The following TTLL11 variants were observed in gnomAD, a reference collection of about 807,000 sequenced individuals.
The protein encoded by TTLL11 is tubulin tyrosine ligase like 11.
A neutral mutation model predicts 51.7 loss-of-function variants in TTLL11; 42 were observed. The ratio of observed to expected loss-of-function variants is 0.81; its 90% CI spans 0.64 to 1.05. TTLL11 has a LOEUF of 1.05. Among genes scored for constraint, TTLL11 ranks in the 50% least tolerant of loss-of-function variants. The pLI is 0.00. For missense variants in TTLL11, 799 were observed against 940.4 expected, an observed-to-expected ratio of 0.85 and a Z score of 1.97; for synonymous variants, 381 against 383.5, an observed-to-expected ratio of 0.99 and a Z score of 0.08.
intron 1 of TTLL11, among the ~76,000 whole-genome samples, chr9:122,088,960 T>C (rs1170151843): frequency 7.1e-6 from 1 of 140,056 alleles, no homozygotes; most frequent in Non-Finnish European, 1.5e-5. Context: ...GAGAGTGCAG[T>C]GAGCCAAGAT....
chr9:121,888,002 C>T (rs1262751177), intron 6 of TTLL11, among the ~76,000 whole-genome samples: 1 of 152,186 alleles, frequency 6.6e-6, no homozygotes, highest in Non-Finnish European at 1.5e-5. Flanking sequence ...CTATTGGAAC[C>T]TCCACTCTTA....
rs1837726310 is a variant in TTLL11 at position 121,853,470 on chromosome 9, G to C, written c.1840+6867C>G. Among the ~76,000 whole-genome samples, 2 of 151,414 alleles carry C rather than the reference G, an allele frequency of 1.3e-5. No individual in the cohort carries two copies. Among genetic ancestry groups the C allele is most frequent in the Non-Finnish European group, 3.0e-5 (2 of 67,792 alleles). The stretch of plus-strand genomic sequence containing the variant: ...AAGGAGAGGGGGTTCCTGCAGAGGT[G>C]GGGGCCTGAGGGGGCCGGCCATTCT... On this transcript the variant is annotated intron_variant, in intron 8 of 8. Coordinates refer to ENST00000321582, the MANE Select transcript of TTLL11 (RefSeq NM_001139442.2). This position sits in a 1 kb window ranked among gnomAD's most constrained non-coding sequence, Gnocchi z 5.6.
chr9:122,063,208 C>T (rs183354422), intron 1 of TTLL11, among the ~76,000 whole-genome samples: 1 of 152,066 alleles, frequency 6.6e-6, no homozygotes, highest in Non-Finnish European at 1.5e-5. Context: ...TTTTGGGGAA[C>T]AAAATAGGCA....
intron 6 of TTLL11, among the ~76,000 whole-genome samples, chr9:121,917,304 TA>T (rs113053206): frequency 0.032 from 4,557 of 141,668 alleles, 148 homozygotes; most frequent in African/African-American, 0.079. Context: ...CTTATCTCTA[TA>T]AAAAAAAAAA....
At chr9:122,083,280 G>A (rs1309898068) in intron 1 of TTLL11, among the ~76,000 whole-genome samples, 2 of 151,606 alleles carry the variant, frequency 1.3e-5, no homozygotes, top group African/African-American at 2.4e-5. Context: ...TTAAAAACCA[G>A]TGCAAATTCA....
intron 2 of TTLL11, among the ~76,000 whole-genome samples, chr9:122,033,973 A>G (rs1844630748): frequency 6.6e-6 from 1 of 152,224 alleles, no homozygotes; most frequent in Non-Finnish European, 1.5e-5. Flanking sequence ...TAAACACTAG[A>G]GCTGACCGCA....
At chr9:121,837,233 G>A (rs971211117) in intron 8 of TTLL11, among the ~76,000 whole-genome samples, 1 of 152,102 alleles carries the variant, frequency 6.6e-6, no homozygotes, top group Non-Finnish European at 1.5e-5. Flanking sequence ...GTGAATAATG[G>A]TGCAATGAAC....
intron 1 of TTLL11, among the ~76,000 whole-genome samples, chr9:122,086,805 G>T (rs905014587): frequency 3.9e-5 from 6 of 152,234 alleles, no homozygotes; most frequent in African/African-American, 1.4e-4. Flanking sequence ...AATGAGGAAT[G>T]GGAGGGTTAA....
At position 121,985,101 on chromosome 9, in the gene TTLL11, A is replaced by AG. The variant is rs567538076; in HGVS notation, c.1269+4093dup. On this transcript the variant is annotated intron_variant, in intron 4 of 8. Transcript: ENST00000321582. ...GTAGTTATTGTGGCTATGATTGGAA[A>AG]GGGGTCACCGTCACATGTTTAAGAT... Among the ~76,000 whole-genome samples, 94 of 152,326 alleles carry AG rather than the reference A, an allele frequency of 6.2e-4. No individual in the cohort carries two copies. In the Middle Eastern group the frequency reaches 0.01, roughly 17 times the overall value.
chr9:122,039,186 A>G (rs1020080850), intron 2 of TTLL11, 86 bp downstream of exon 2: 8 of 1,167,588 alleles, frequency 6.9e-6, no homozygotes, highest in African/African-American at 4.6e-5. Flanking sequence ...TCTGATCTCA[A>G]AAATAACTGT....
rs1398644866 is a variant in TTLL11 at position 121,822,709 on chromosome 9, G to A, written c.2011C>T (p.Arg671Trp). Residue 671 changes from arginine (R) to tryptophan (W), a missense_variant, in exon 9 of 9, where the codon CGG becomes TGG. By Grantham distance (101) the Arg-to-Trp change is moderately radical. Around this residue, in one of 3 missense-constraint regions of TTLL11, gnomAD observed 165 missense variants for 166.1 expected, o/e 0.99. Coordinates refer to ENST00000321582, the MANE Select transcript of TTLL11 (RefSeq NM_001139442.2). This position sits in a 1 kb window ranked among gnomAD's most constrained non-coding sequence, Gnocchi z 5.8. ...VCGRGVPSGG[R>W]PPHRGPPQEP... The stretch of plus-strand genomic sequence containing the variant: ...TGGGGAGGGCCACGGTGTGGGGGCC[G>A]GCCCCCCGACGGGACGCCCCGGCCA... 5.8e-6 allele frequency: 9 copies of A among 1,550,138 alleles called. No homozygotes were observed. The highest frequency in any genetic ancestry group is 2.4e-5 in the South Asian group (2 of 83,972).
chr9:122,071,401 CT>C (rs1845724474), intron 1 of TTLL11, among the ~76,000 whole-genome samples: 1 of 152,182 alleles, frequency 6.6e-6, no homozygotes. Flanking sequence ...CAGCTGCCCC[CT>C]GGGTCGCTGT....
At chr9:121,941,266 G>A (rs1841453583) in intron 6 of TTLL11, among the ~76,000 whole-genome samples, 1 of 152,208 alleles carries the variant, frequency 6.6e-6, no homozygotes, top group Non-Finnish European at 1.5e-5. Context: ...TTTTGCACTG[G>A]CTTCTAAATG....
chr9:121,898,605 T>G (rs571162089), intron 6 of TTLL11, among the ~76,000 whole-genome samples: 90 of 152,246 alleles, frequency 5.9e-4, no homozygotes, highest in African/African-American at 2.1e-3. Context: ...CAACCCAAGG[T>G]CAAGTGCTTG....
chr9:121,905,440 C>T (rs1408124483), intron 6 of TTLL11, among the ~76,000 whole-genome samples: 1 of 151,850 alleles, frequency 6.6e-6, no homozygotes, highest in Non-Finnish European at 1.5e-5. Context: ...CAACCTCCAT[C>T]TCCAGGGTTC....
At chr9:121,865,622 C>G (rs1302468417) in intron 7 of TTLL11, among the ~76,000 whole-genome samples, 1 of 152,008 alleles carries the variant, frequency 6.6e-6, no homozygotes, top group African/African-American at 2.4e-5. Context: ...AAATGCATCT[C>G]CCTCCAAGAA....
Position 121,879,761 on chromosome 9 carries a change from ATCTAG to A in TTLL11, c.1482-9018_1482-9014del, listed in dbSNP as rs1838709641. Among the ~76,000 whole-genome samples the A allele has an allele frequency of 2.0e-4, 13 of 66,506 alleles. 1 individual carries two copies. Among genetic ancestry groups the A allele is most frequent in the Admixed American group, 3.6e-4 (3 of 8,450 alleles). 43.6% of individuals were successfully genotyped at this position (66,506 alleles called of 152,430 possible). A position where few individuals can be genotyped will look rare whatever the true frequency, so the allele number is the denominator to read the frequency against. On this transcript the variant is annotated intron_variant, in intron 6 of 8. Transcript: ENST00000321582. ...GTGGGAGAACTGCTTGAAGCCCTGA[ATCTAG>A]ACCAGGCTGGGCAACATAGCGAGAC...
chr9:121,976,879 T>A (rs1052858354), intron 4 of TTLL11, among the ~76,000 whole-genome samples: 1 of 152,210 alleles, frequency 6.6e-6, no homozygotes, highest in African/African-American at 2.4e-5. Flanking sequence ...GACAAGTGGA[T>A]GTGAGTGATG....
In TTLL11 at chr9:122,053,094, A is replaced by G. The variant is rs1588241053; in HGVS notation, c.463-13726T>C. The stretch of plus-strand genomic sequence containing the variant: ...CCCCAGACATGCCTGCTGGCAGAGA[A>G]AGCAGAAGCTGGCCGTCCACAAACC... On this transcript the variant is annotated intron_variant, in intron 1 of 8. Transcript: ENST00000321582. 3.9e-5 allele frequency among the ~76,000 whole-genome samples: 6 copies of G among 152,324 alleles called. 1 individual carries two copies. Among genetic ancestry groups the G allele is most frequent in the Admixed American group, 3.9e-4 (6 of 15,290 alleles).
Sources: allele counts gnomAD v4.1 joint callset (sites outside exome capture counted in the v4.1 genomes callset), GRCh38; gene constraint gnomAD v4.1.1; regional missense constraint gnomAD v4.1.1; non-coding constraint Gnocchi (gnomAD v3.1); transcripts MANE v1.5; gene names NCBI Gene and HGNC (gene_info 2026-07-23, HGNC 2026-07-21).